Variants in CCHCR1 observed in about 807,000 individuals in gnomAD.
CCHCR1 encodes the protein coiled-coil alpha-helical rod protein 1, also known as HCR (a-helix coiled-coil rod homologue).
In CCHCR1, 91 loss-of-function variants were observed where a neutral mutation model predicts 114.6. That is an observed-to-expected ratio of 0.79 (90% CI 0.67 to 0.94). CCHCR1 has a LOEUF of 0.94. CCHCR1 is among the 40% of genes least tolerant of loss of function. CCHCR1 has a pLI of 0.00. For synonymous variants in CCHCR1, 379 were observed against 428.5 expected, an observed-to-expected ratio of 0.88 and a Z score of 1.43; for missense variants, 899 against 1,079.9, an observed-to-expected ratio of 0.83 and a Z score of 2.35.
Position 31,144,674 on chromosome 6 carries a change from T to C in CCHCR1, c.2167+13A>G, listed in dbSNP as rs1199950665. 7.6e-6 allele frequency: 12 copies of C among 1,577,980 alleles called. No individual in the cohort carries two copies. The South Asian group carries it at 1.0e-4, about 13-fold the overall frequency. On this transcript the variant is annotated intron_variant, in intron 15 of 17. Coordinates refer to ENST00000396268, the MANE Select transcript of CCHCR1 (RefSeq NM_001105564.2). This position sits in a 1 kb window ranked among gnomAD's most constrained non-coding sequence, Gnocchi z 4.6. ...TCTTCCTGGAAGGCCCTATCCACCC[T>C]GGCAAGGCTCACCGGCCTTGGCATG... is the stretch of plus-strand genomic sequence containing the variant.
Position 31,151,537 on chromosome 6 carries a change from G to T in CCHCR1, c.802-415C>A, listed in dbSNP as rs1204555311. On this transcript the variant is annotated intron_variant, in intron 4 of 17. Transcript: ENST00000396268. The surrounding 1 kb of genome is among the most constrained non-coding windows in gnomAD (Gnocchi z 4.1). ...CCTGGAGGCTCTCCCACTGCTCCCC[G>T]CTCCGGCCACGGGGAGTCTGCTGAG... 6.6e-6 allele frequency among the ~76,000 whole-genome samples: 1 copy of T among 152,060 alleles called. No individual in the cohort carries two copies. The highest frequency in any genetic ancestry group is 2.4e-5 in the African/African-American group (1 of 41,388).
At chr6:31,148,560 C>T in intron 9 of CCHCR1, 49 bp from the exon 10 acceptor site, 1 of 1,591,288 alleles carries the variant, frequency 6.3e-7, no homozygotes. Flanking sequence ...GTCCTGGCTG[C>T]AGCCCCGGAA....
chr6:31,142,841 G>A, intron 17 of CCHCR1, 122 bp downstream of exon 17: 9 of 1,478,930 alleles, frequency 6.1e-6, no homozygotes, highest in East Asian at 4.6e-5. Context: ...GCTGGGCATC[G>A]CTAAAAGAGG....
rs1169576001 is a variant in CCHCR1 at position 31,151,404 on chromosome 6, G to C, written c.802-282C>G. Among the ~76,000 whole-genome samples, 2 of 152,128 alleles carry C rather than the reference G, an allele frequency of 1.3e-5. No individual in the cohort carries two copies. The highest frequency in any genetic ancestry group is 3.9e-4 in the East Asian group (2 of 5,188). On this transcript the variant is annotated intron_variant, in intron 4 of 17. Transcript: ENST00000396268. The surrounding 1 kb of genome is among the most constrained non-coding windows in gnomAD (Gnocchi z 4.1). Reference sequence around the variant, plus strand: ...GGCAACAGCGACCATCTCCTAACTAGTCTTTACAAACCCTCAGTGGCTTCT... The same window carrying C: ...GGCAACAGCGACCATCTCCTAACTACTCTTTACAAACCCTCAGTGGCTTCT...
chr6:31,147,236 TA>T (rs1298456708), intron 10 of CCHCR1, among the ~76,000 whole-genome samples: 1 of 151,836 alleles, frequency 6.6e-6, no homozygotes, highest in Non-Finnish European at 1.5e-5. Flanking sequence ...CTGTCTCTAC[TA>T]AAAATACAAA....
chr6:31,154,885 A>T lies in CCHCR1; in HGVS notation c.498-86T>A. 10 of 1,286,736 alleles carry T rather than the reference A, an allele frequency of 7.8e-6. No individual in the cohort carries two copies. Among genetic ancestry groups the T allele is most frequent in the Non-Finnish European group, 9.4e-6 (9 of 953,258 alleles). 79.7% of individuals were successfully genotyped at this position (1,286,736 alleles called of 1,614,324 possible). ...CATAAACATAGCCAGGAGAAGGAAA[A>T]GAGGACCCCTCTGCTTCCGTGTGGG... On this transcript the variant is annotated intron_variant, in intron 3 of 17. Transcript: ENST00000396268. The surrounding 1 kb of genome is among the most constrained non-coding windows in gnomAD (Gnocchi z 4.1).
In CCHCR1 at chr6:31,143,142, G is replaced by A; in HGVS notation, c.2320-8C>T. 6.2e-7 allele frequency: 1 copy of A among 1,612,718 alleles called. No individual in the cohort carries two copies. The highest frequency in any genetic ancestry group is 8.5e-7 in the Non-Finnish European group (1 of 1,179,864). ...TTCCTGCTGCAAGGTGGCCTGGGAA[G>A]GAGAGGGTTAAACCTAGCCCGGATA... On this transcript the variant is annotated splice_polypyrimidine_tract_variant and splice_region_variant and intron_variant, in intron 16 of 17. Transcript: ENST00000396268. This position sits in a 1 kb window ranked among gnomAD's most constrained non-coding sequence, Gnocchi z 5.3.
chr6:31,150,900 G>A lies in CCHCR1; in HGVS notation c.966-40C>T, dbSNP rs374681374. The A allele has an allele frequency of 3.3e-5, 53 of 1,611,262 alleles. No homozygotes were observed. The highest frequency in any genetic ancestry group is 8.8e-5 in the South Asian group (8 of 90,918). On this transcript the variant is annotated intron_variant, in intron 5 of 17. Coordinates refer to ENST00000396268, the MANE Select transcript of CCHCR1 (RefSeq NM_001105564.2). The surrounding 1 kb of genome is among the most constrained non-coding windows in gnomAD (Gnocchi z 5.3). The stretch of plus-strand genomic sequence containing the variant: ...GGAATGGGACAGCCATCAGTGGGGC[G>A]CCCTGCAGATCCACCACATCACTAA...
At position 31,142,696 on chromosome 6, in the gene CCHCR1, C is replaced by T. The variant is rs1166308965; in HGVS notation, c.2512G>A (p.Asp838Asn). The change falls in exon 18 of 18, where the codon GAT becomes AAT. Residue 838 changes from aspartate to asparagine, a missense_variant. By Grantham distance (23) the Asp-to-Asn change is conservative. Coordinates refer to ENST00000396268, the MANE Select transcript of CCHCR1 (RefSeq NM_001105564.2). ...SIKGSLSVLL[D>N]DLQDLSEAIS... ...GCTTCACTCAGGTCCTGCAGGTCAT[C>T]GAGCAGGACAGAGAGGGACCCTGGG... 3.7e-6 allele frequency: 6 copies of T among 1,611,898 alleles called. No homozygotes were observed. The highest frequency in any genetic ancestry group is 2.2e-5 in the East Asian group (1 of 44,886).
At position 31,157,044 on chromosome 6, in the gene CCHCR1, C is replaced by A. The variant is rs1338293424; in HGVS notation, c.262G>T (p.Val88Leu). ...TGACCTGAAGGTGGAAACATCTCCA[C>A]ATTATTTGAAGGCTCTAGATTCTGT... ...WRQNLEPSNN[V>L]EMFPPSGSTG... Residue 88 changes from valine (V) to leucine (L), a missense_variant, in exon 2 of 18, where the codon GTG becomes TTG. By Grantham distance (32) the Val-to-Leu change is conservative. Coordinates refer to ENST00000396268, the MANE Select transcript of CCHCR1 (RefSeq NM_001105564.2). The A allele has an allele frequency of 6.2e-7, 1 of 1,612,404 alleles. No homozygotes were observed. The highest frequency in any genetic ancestry group is 1.3e-5 in the African/African-American group (1 of 74,900).
chr6:31,149,985 A>C, intron 8 of CCHCR1, 81 bp downstream of exon 8: 1 of 1,492,348 alleles, frequency 6.7e-7, no homozygotes, highest in Non-Finnish European at 9.3e-7. Context: ...CACTCAATAA[A>C]CACTGGTTGA....
intron 8 of CCHCR1, 90 bp downstream of exon 8, chr6:31,149,976 A>T: frequency 7.0e-7 from 1 of 1,434,234 alleles, no homozygotes; most frequent in Non-Finnish European, 9.7e-7. Context: ...TGTGGCAACC[A>T]CTCAATAAAC....
chr6:31,150,920 C>T lies in CCHCR1; in HGVS notation c.965+39G>A. The T allele has an allele frequency of 6.2e-7, 1 of 1,611,474 alleles. No homozygotes were observed. The highest frequency in any genetic ancestry group is 8.5e-7 in the Non-Finnish European group (1 of 1,179,134). On this transcript the variant is annotated intron_variant, in intron 5 of 17. Transcript: ENST00000396268. The surrounding 1 kb of genome is among the most constrained non-coding windows in gnomAD (Gnocchi z 5.3). ...GGGGCGCCCTGCAGATCCACCACAT[C>T]ACTAATTGCTGGGCTCCCGTCGGCG...
intron 3 of CCHCR1, among the ~76,000 whole-genome samples, chr6:31,156,060 G>A (rs961491470): frequency 6.6e-6 from 1 of 152,228 alleles, no homozygotes; most frequent in African/African-American, 2.4e-5. Context: ...ATAGGTGTGA[G>A]CCGCCATATC....
intron 10 of CCHCR1, among the ~76,000 whole-genome samples, chr6:31,146,800 G>A (rs1366647459): frequency 6.6e-6 from 1 of 152,146 alleles, no homozygotes; most frequent in African/African-American, 2.4e-5. Context: ...GTGATCGCCT[G>A]GTACCAAAGT....
rs755846598 is a variant in CCHCR1, at chr6:31,150,482, G to A, written c.1185C>T (p.Ala395=). ...VRVQSLTHIL[A]LQEEELTRKV... Reference sequence around the variant, plus strand: ...TCCTGGTCAGCTCCTCCTCCTGCAGGGCGAGGATGTGTGTGAGGCTCTGCA... The same window carrying A: ...TCCTGGTCAGCTCCTCCTCCTGCAGAGCGAGGATGTGTGTGAGGCTCTGCA... The change falls in exon 7 of 18, where the codon GCC becomes GCT. Residue 395 remains alanine (A), a synonymous_variant. Coordinates refer to ENST00000396268, the MANE Select transcript of CCHCR1 (RefSeq NM_001105564.2). This position sits in a 1 kb window ranked among gnomAD's most constrained non-coding sequence, Gnocchi z 5.3. The A allele has an allele frequency of 1.9e-5, 31 of 1,612,394 alleles. No individual in the cohort carries two copies. The Admixed American group carries it at 4.3e-4, about 23-fold the overall frequency.
rs752914283 is a variant in CCHCR1 at position 31,148,520 on chromosome 6, G to A, written c.1474-9C>T. ...AGCTCCAACTGCAGGCCCTGGGGAG[G>A]ATGCAGCAAAGGACAGGGTCCCTCC... On this transcript the variant is annotated splice_polypyrimidine_tract_variant and intron_variant, in intron 9 of 17. Coordinates refer to ENST00000396268, the MANE Select transcript of CCHCR1 (RefSeq NM_001105564.2). 1 of 1,608,090 alleles carries A rather than the reference G, an allele frequency of 6.2e-7. No homozygotes were observed. The highest frequency in any genetic ancestry group is 2.2e-5 in the East Asian group (1 of 44,846).
Position 31,150,491 on chromosome 6 carries a change from G to A in CCHCR1, c.1176C>T (p.His392=). Residue 392 remains histidine (H), a synonymous_variant, in exon 7 of 18, where the codon CAC becomes CAT. Transcript: ENST00000396268. This position sits in a 1 kb window ranked among gnomAD's most constrained non-coding sequence, Gnocchi z 5.3. ...GCTCCTCCTCCTGCAGGGCGAGGAT[G>A]TGTGTGAGGCTCTGCACCCGCACCT... ...LLQVRVQSLT[H]ILALQEEELT... is the part of the protein sequence containing the mutation. 1.2e-6 allele frequency: 2 copies of A among 1,612,702 alleles called. No individual in the cohort carries two copies. The highest frequency in any genetic ancestry group is 1.7e-6 in the Non-Finnish European group (2 of 1,179,928).
chr6:31,149,867 A>G (rs1161155119), intron 8 of CCHCR1, among the ~76,000 whole-genome samples, 199 bp downstream of exon 8: 2 of 152,186 alleles, frequency 1.3e-5, no homozygotes, highest in Non-Finnish European at 2.9e-5. Context: ...TATCGCACAT[A>G]TAATTACCCA....
Sources: gnomAD v4.1 joint callset for allele counts (sites outside exome capture counted in the v4.1 genomes callset) on GRCh38, gnomAD v4.1.1 for gene constraint, Gnocchi (gnomAD v3.1) non-coding constraint, MANE v1.5 for transcripts, NCBI Gene and HGNC (gene_info 2026-07-23, HGNC 2026-07-21) for gene names.